Variants in ARHGAP6 observed in about 807,000 individuals in gnomAD.
ARHGAP6 encodes the protein rho GTPase-activating protein 6.
A neutral mutation model predicts 55.7 loss-of-function variants in ARHGAP6; 16 were observed. The ratio of observed to expected loss-of-function variants is 0.29; its 90% CI spans 0.19 to 0.44. The LOEUF (loss-of-function observed/expected upper bound fraction) is 0.44. Ranked by LOEUF, ARHGAP6 falls within the 20% of genes least tolerant of loss-of-function variation. The probability of loss-of-function intolerance (pLI) is 1.00; values close to 1 mark genes in which losing one functional copy is unlikely to be tolerated. For synonymous variants in ARHGAP6, 382 were observed against 360.9 expected, an observed-to-expected ratio of 1.06 and a Z score of -0.66; for missense variants, 698 against 808.9, an observed-to-expected ratio of 0.86 and a Z score of 1.66.
intron 9 of ARHGAP6, chrX:11,169,194 A>G: frequency 5.3e-6 from 1 of 189,684 alleles, no homozygotes; most frequent in Non-Finnish European, 9.7e-6. Context: ...ACAATTCCAT[A>G]AAGAAGGGTT....
At chrX:11,370,373 C>G (rs1437343024) in intron 1 of ARHGAP6, among the ~76,000 whole-genome samples, 1 of 112,034 alleles carries the variant, frequency 8.9e-6, no homozygotes, top group Admixed American at 9.4e-5. Flanking sequence ...ACTATTTAAA[C>G]CTATAGCGTC....
intron 2 of ARHGAP6, among the ~76,000 whole-genome samples, chrX:11,210,678 A>G (rs2046779581): frequency 8.9e-6 from 1 of 112,305 alleles, no homozygotes; most frequent in Admixed American, 9.5e-5. Flanking sequence ...AATTTCAGAC[A>G]CGTTCCACAA....
At chrX:11,415,072 T>A (rs1222919117) in intron 1 of ARHGAP6, among the ~76,000 whole-genome samples, 3 of 112,312 alleles carry the variant, frequency 2.7e-5, no homozygotes, top group Non-Finnish European at 5.6e-5. Flanking sequence ...ATGTTGATTA[T>A]CTCAATTTAG....
chrX:11,143,451 C>T (rs763582817), intron 11 of ARHGAP6: 42 of 552,944 alleles, frequency 7.6e-5, no homozygotes, highest in Middle Eastern at 1.0e-3. Context: ...GAAGCTCAAT[C>T]GCTCACTGGA....
chrX:11,568,922 A>G (rs773641868), intron 1 of ARHGAP6, among the ~76,000 whole-genome samples: 11 of 111,953 alleles, frequency 9.8e-5, no homozygotes, highest in Admixed American at 1.9e-4. Context: ...TTTATTACAA[A>G]TGGAGGCTAT....
At chrX:11,143,834 G>T in intron 11 of ARHGAP6, 146 bp downstream of exon 11, 3 of 1,181,679 alleles carry the variant, frequency 2.5e-6, no homozygotes, top group Non-Finnish European at 3.4e-6. Context: ...GCGTTCAGCA[G>T]GTACTCGGTA....
intron 1 of ARHGAP6, among the ~76,000 whole-genome samples, chrX:11,316,985 T>C (rs768064111): frequency 1.8e-5 from 2 of 112,527 alleles, no homozygotes; most frequent in East Asian, 5.6e-4. Flanking sequence ...TATTTATTGT[T>C]CTGGTTGACA....
rs142865808 is a variant in ARHGAP6 at position 11,285,527 on chromosome X, A to G, written c.589-30820T>C. On this transcript the variant is annotated intron_variant, in intron 1 of 12. Coordinates refer to ENST00000337414, the MANE Select transcript of ARHGAP6 (RefSeq NM_013427.3). ...CTACTTGTAAACACAATCTGGGTTT[A>G]CTAACTTGCATCTGATAACAATGCC... Among the ~76,000 whole-genome samples the G allele has an allele frequency of 2.9e-4, 33 of 112,221 alleles. 1 individual carries two copies. The highest frequency in any genetic ancestry group is 1.0e-3 in the African/African-American group (32 of 30,912).
intron 1 of ARHGAP6, among the ~76,000 whole-genome samples, chrX:11,316,140 T>G (rs1204628264): frequency 8.9e-6 from 1 of 112,005 alleles, no homozygotes; most frequent in South Asian, 3.8e-4. Context: ...TTTCAATGGT[T>G]CCATCTTGGT....
rs990424273 is a variant in ARHGAP6 at position 11,429,339 on chromosome X, T to C, written c.589-174632A>G. ...TGGTTACCAAAGTGGGAAGGTGGTA[T>C]TGACTAGGAAGGTGGTACAAGGGAA... On this transcript the variant is annotated intron_variant, in intron 1 of 12. Coordinates refer to ENST00000337414, the MANE Select transcript of ARHGAP6 (RefSeq NM_013427.3). Among the ~76,000 whole-genome samples the C allele has an allele frequency of 4.5e-5, 5 of 111,688 alleles. No homozygotes were observed. In the East Asian group the frequency reaches 1.1e-3, roughly 25 times the overall value.
intron 1 of ARHGAP6, among the ~76,000 whole-genome samples, chrX:11,632,381 C>G (rs1275253652): frequency 1.8e-5 from 2 of 112,105 alleles, no homozygotes; most frequent in African/African-American, 6.5e-5. Context: ...ACTTGCCATC[C>G]TGCTGCTAGA....
At chrX:11,153,292 T>C (rs1444864627) in intron 10 of ARHGAP6, among the ~76,000 whole-genome samples, 1 of 109,890 alleles carries the variant, frequency 9.1e-6, no homozygotes, top group African/African-American at 3.3e-5. Context: ...TTTGGGAGGC[T>C]GAGGCGGATG....
chrX:11,568,811 C>A (rs1334653396), intron 1 of ARHGAP6, among the ~76,000 whole-genome samples: 1 of 110,491 alleles, frequency 9.1e-6, no homozygotes, highest in Non-Finnish European at 1.9e-5. Flanking sequence ...TTACTGAGTC[C>A]ATTTTATGCA....
chrX:11,557,023 C>T (rs1165366957), intron 1 of ARHGAP6, among the ~76,000 whole-genome samples: 1 of 110,932 alleles, frequency 9.0e-6, no homozygotes, highest in Non-Finnish European at 1.9e-5. Flanking sequence ...TTGAAGAGTA[C>T]AAAGATACAG....
intron 1 of ARHGAP6, among the ~76,000 whole-genome samples, chrX:11,374,275 G>A (rs888453049): frequency 4.5e-5 from 5 of 111,587 alleles, no homozygotes; most frequent in Admixed American, 1.9e-4. Context: ...AGTTTTGCTC[G>A]TAAAGAGGCT....
At chrX:11,492,713 A>G (rs2050583517) in intron 1 of ARHGAP6, among the ~76,000 whole-genome samples, 1 of 103,975 alleles carries the variant, frequency 9.6e-6, no homozygotes, top group African/African-American at 3.4e-5. Flanking sequence ...ATGTTAAGAG[A>G]GAAAGAGGAG....
chrX:11,542,158 T>C (rs771307827), intron 1 of ARHGAP6, among the ~76,000 whole-genome samples: 11 of 109,975 alleles, frequency 1.0e-4, no homozygotes, highest in African/African-American at 3.7e-4. Context: ...GCTCATTCAC[T>C]GGAAGACAAT....
At chrX:11,410,122 T>TTA (rs1237216168) in intron 1 of ARHGAP6, among the ~76,000 whole-genome samples, 2 of 111,964 alleles carry the variant, frequency 1.8e-5, no homozygotes, top group Non-Finnish European at 3.8e-5. Context: ...CTACTCCTAG[T>TTA]TATATACCCA....
chrX:11,664,927 C>T lies in ARHGAP6; in HGVS notation c.-99G>A. On this transcript the variant is annotated 5_prime_UTR_variant, in exon 1 of 13. Transcript: ENST00000337414. Reference sequence around the variant, plus strand: ...AAGGGACTCAGGCAAAGGTGCCAGGCGGGGCTGGCCCGGGGTTTGCCCAGG... The same window carrying T: ...AAGGGACTCAGGCAAAGGTGCCAGGTGGGGCTGGCCCGGGGTTTGCCCAGG... 3 of 888,814 alleles carry T rather than the reference C, an allele frequency of 3.4e-6. No homozygotes were observed. Among genetic ancestry groups the T allele is most frequent in the Non-Finnish European group, 4.6e-6 (3 of 657,267 alleles). 73.2% of individuals were successfully genotyped at this position (888,814 alleles called of 1,213,427 possible).
Sources: gnomAD v4.1 joint callset for allele counts (sites outside exome capture counted in the v4.1 genomes callset) on GRCh38, gnomAD v4.1.1 for gene constraint, MANE v1.5 for transcripts, NCBI Gene and HGNC (gene_info 2026-07-23, HGNC 2026-07-21) for gene names.